Variants in NCKAP5 observed in about 807,000 individuals in gnomAD.
NCKAP5 encodes NCK associated protein 5, also known as nck-associated protein 5.
A neutral mutation model predicts 167.0 loss-of-function variants in NCKAP5; 92 were observed. That is an observed-to-expected ratio of 0.55 (90% CI 0.47 to 0.66). The LOEUF (loss-of-function observed/expected upper bound fraction) is 0.66, where lower values mean the gene tolerates loss of function less well. Among genes scored for constraint, NCKAP5 ranks in the 30% least tolerant of loss-of-function variants. The pLI, the probability that NCKAP5 is intolerant of heterozygous loss-of-function variation, is 0.00. For synonymous variants in NCKAP5, 891 were observed against 877.4 expected, an observed-to-expected ratio of 1.02 and a Z score of -0.27; for missense variants, 2,378 against 2,315.0, an observed-to-expected ratio of 1.03 and a Z score of -0.56.
chr2:133,586,615 C>T, the NCKAP5 span, among the ~76,000 whole-genome samples: 13 of 152,160 alleles, frequency 8.5e-5, no homozygotes, highest in Admixed American at 5.9e-4. Flanking sequence ...GTGGAGGATG[C>T]TGGCTAGTCC....
intron 16 of NCKAP5, among the ~76,000 whole-genome samples, chr2:132,746,699 C>G (rs1363134597): frequency 6.6e-6 from 1 of 151,992 alleles, no homozygotes; most frequent in African/African-American, 2.4e-5. Context: ...CATAATAGCC[C>G]CAACCGGAAA....
At position 132,782,969 on chromosome 2, in the gene NCKAP5, T is replaced by C. The variant is rs751136347; in HGVS notation, c.3842A>G (p.His1281Arg). 6 of 1,613,734 alleles carry C rather than the reference T, an allele frequency of 3.7e-6. No homozygotes were observed. The highest frequency in any genetic ancestry group is 3.3e-5 in the South Asian group (3 of 91,072). Residue 1281 changes from histidine to arginine, a missense_variant, in exon 14 of 20, where the codon CAC becomes CGC. By Grantham distance (29) the His-to-Arg change is conservative. Around this residue, in one of 3 missense-constraint regions of NCKAP5, gnomAD observed 1,325 missense variants for 1,274.5 expected, o/e 1.04. Transcript: ENST00000409261. The part of the protein sequence containing the change: ...AKARSHSFST[H>R]SGDKPSTPPI... ...GGGCGTAGAAGGCTTGTCTCCTGAGTGTGTACTGAAGCTGTGGCTGCGGGC... is the reference window on the plus strand; with the variant it reads ...GGGCGTAGAAGGCTTGTCTCCTGAGCGTGTACTGAAGCTGTGGCTGCGGGC...
chr2:133,671,839 A>G, the NCKAP5 span, among the ~76,000 whole-genome samples: 2,115 of 152,288 alleles, frequency 0.014, 47 homozygotes, highest in African/African-American at 0.048. Flanking sequence ...ACATGCTGCC[A>G]TGCCCTGTGC....
At chr2:132,848,579 T>C (rs1453433590) in intron 11 of NCKAP5, among the ~76,000 whole-genome samples, 2 of 152,200 alleles carry the variant, frequency 1.3e-5, no homozygotes, top group Non-Finnish European at 2.9e-5. Flanking sequence ...CATAAATATA[T>C]CTATTATAAA....
intron 3 of NCKAP5, among the ~76,000 whole-genome samples, chr2:133,465,219 T>A (rs112656287): frequency 7.2e-6 from 1 of 139,442 alleles, no homozygotes; most frequent in Non-Finnish European, 1.5e-5. Context: ...CCATGTGATC[T>A]CATTGTTCAA....
intron 3 of NCKAP5, among the ~76,000 whole-genome samples, chr2:133,388,337 G>A (rs772838352): frequency 8.5e-5 from 13 of 152,280 alleles, no homozygotes; most frequent in Admixed American, 6.5e-5. Context: ...TATCAGTAGC[G>A]GAGGATGCAG....
chr2:133,671,050 C>A, the NCKAP5 span, among the ~76,000 whole-genome samples: 1 of 151,742 alleles, frequency 6.6e-6, no homozygotes, highest in East Asian at 1.9e-4. Flanking sequence ...CCCATCTCTA[C>A]TAAAAATACA....
At position 132,878,911 on chromosome 2, in the gene NCKAP5, C is replaced by G. The variant is rs759744660; in HGVS notation, c.585G>C (p.Glu195Asp). 6.2e-7 allele frequency: 1 copy of G among 1,612,572 alleles called. No homozygotes were observed. The highest frequency in any genetic ancestry group is 1.7e-5 in the Admixed American group (1 of 60,010). The stretch of plus-strand genomic sequence containing the variant: ...CATTCTCCAAAGCCAACGCTGAATT[C>G]TCTGCCTGCAGTAAGATACAAAAAT... ...LLERLKALEA[E>D]NSALALENEN... The change falls in exon 9 of 20, where the codon GAG becomes GAC. Residue 195 changes from glutamate (E) to aspartate (D), a missense_variant. This residue lies in a region of NCKAP5 where 1,049 missense variants were observed against 1,023.4 expected (regional missense o/e 1.02). Transcript: ENST00000409261.
intron 7 of NCKAP5, among the ~76,000 whole-genome samples, chr2:132,987,928 C>T (rs1431597870): frequency 6.6e-6 from 1 of 152,192 alleles, no homozygotes; most frequent in African/African-American, 2.4e-5. Context: ...ATTACAGTAA[C>T]TCTTTCAAAG....
chr2:133,281,489 G>A (rs1409443215), intron 4 of NCKAP5, among the ~76,000 whole-genome samples: 1 of 152,096 alleles, frequency 6.6e-6, no homozygotes, highest in East Asian at 1.9e-4. Context: ...CTGGGCCTCA[G>A]AATTTCTTAT....
intron 13 of NCKAP5, among the ~76,000 whole-genome samples, chr2:132,786,659 G>C (rs1683592238): frequency 1.4e-5 from 2 of 147,056 alleles, no homozygotes; most frequent in Admixed American, 6.8e-5. Context: ...ATGGAAGGGG[G>C]AAAAAAAAAA....
chr2:133,548,897 A>G (rs919125288), intron 2 of NCKAP5, among the ~76,000 whole-genome samples: 2 of 152,102 alleles, frequency 1.3e-5, no homozygotes, highest in African/African-American at 4.8e-5. Context: ...TTAAATGTAA[A>G]TGGACTAAAT....
intron 2 of NCKAP5, among the ~76,000 whole-genome samples, chr2:133,518,946 T>A (rs1015227411): frequency 1.3e-5 from 2 of 152,220 alleles, no homozygotes; most frequent in Non-Finnish European, 2.9e-5. Flanking sequence ...AACATAGACA[T>A]TGTACTGCTG....
chr2:132,739,948 A>G (rs1338683983), intron 16 of NCKAP5, among the ~76,000 whole-genome samples: 1 of 152,144 alleles, frequency 6.6e-6, no homozygotes, highest in Admixed American at 6.6e-5. Context: ...CAGACTTATG[A>G]CATTCTCAAG....
chr2:133,260,276 G>C (rs1342625651), intron 4 of NCKAP5, among the ~76,000 whole-genome samples: 2 of 152,294 alleles, frequency 1.3e-5, no homozygotes, highest in African/African-American at 4.8e-5. Flanking sequence ...ACCATCTGTT[G>C]AGTAAACTAA....
chr2:133,041,300 T>C (rs2079211204), intron 6 of NCKAP5, among the ~76,000 whole-genome samples: 1 of 152,052 alleles, frequency 6.6e-6, no homozygotes, highest in Admixed American at 6.6e-5. Flanking sequence ...AAGTGAAAAA[T>C]AAGCATGTCT....
intron 3 of NCKAP5, among the ~76,000 whole-genome samples, chr2:133,430,931 A>C (rs1419407632): frequency 6.6e-6 from 1 of 152,028 alleles, no homozygotes; most frequent in Non-Finnish European, 1.5e-5. Flanking sequence ...AAATTGTTAA[A>C]TTGATATCAT....
chr2:133,443,198 G>A (rs1160548074), intron 3 of NCKAP5, among the ~76,000 whole-genome samples: 2 of 152,140 alleles, frequency 1.3e-5, no homozygotes, highest in Admixed American at 1.3e-4. Context: ...GTTGTCTCTC[G>A]CTGTCTCCTT....
intron 6 of NCKAP5, among the ~76,000 whole-genome samples, chr2:133,106,215 T>C (rs541564117): frequency 0.038 from 4,239 of 111,750 alleles, 117 homozygotes; most frequent in East Asian, 0.17. Flanking sequence ...ATGGTGTGAA[T>C]GCAGGAGGTG....
Sources: gnomAD v4.1 joint callset for allele counts (sites outside exome capture counted in the v4.1 genomes callset) on GRCh38, gnomAD v4.1.1 for gene constraint, gnomAD v4.1.1 regional missense constraint, MANE v1.5 for transcripts, NCBI Gene and HGNC (gene_info 2026-07-23, HGNC 2026-07-21) for gene names.